HHLA1: variants seen among roughly 807,000 people sequenced by gnomAD.
The protein encoded by HHLA1 is HERV-H LTR-associating protein 1.
Under a neutral mutation model 69.9 loss-of-function variants are expected in HHLA1, and 72 were observed. The observed-to-expected ratio is 1.03, with a 90% confidence interval of 0.85 to 1.25. The LOEUF is 1.25. Ranked by LOEUF, HHLA1 falls within the 50% of genes most tolerant of loss-of-function variation. The pLI, the probability that HHLA1 is intolerant of heterozygous loss-of-function variation, is 0.00. For missense variants in HHLA1, 685 were observed against 642.2 expected (o/e 1.07, Z -0.72); for synonymous variants, 252 against 233.2 (o/e 1.08, Z -0.73).
chr8:132,089,414 G>A lies in HHLA1; in HGVS notation c.532+102C>T, dbSNP rs1823909491. The A allele has an allele frequency of 4.2e-6, 3 of 714,364 alleles. No individual in the cohort carries two copies. The South Asian group carries it at 4.7e-5, about 11-fold the overall frequency. 44.3% of individuals were successfully genotyped at this position (714,364 alleles called of 1,614,324 possible). ...TTACATGAACGTTTCTGGCAGCCTG[G>A]CCTATAGCAGGGGTTGGGGTGAGGA... On this transcript the variant is annotated intron_variant, in intron 8 of 16. Transcript: ENST00000414222.
intron 10 of HHLA1, among the ~76,000 whole-genome samples, chr8:132,086,362 G>T (rs1410214054): frequency 2.0e-5 from 3 of 152,300 alleles, no homozygotes; most frequent in South Asian, 2.1e-4. Flanking sequence ...TCTAATTGCA[G>T]GAGTGGCCTT....
chr8:132,076,495 GC>G lies in HHLA1; in HGVS notation c.1219del (p.Ala407ProfsTer60), dbSNP rs1436332876. The G allele has an allele frequency of 6.5e-7, 1 of 1,546,666 alleles. No individual in the cohort carries two copies. Among genetic ancestry groups the G allele is most frequent in the Non-Finnish European group, 8.7e-7 (1 of 1,144,926 alleles). ...CTCACCTGTTTGTGGATATCTGGGG[GC>G]TGTTGCCTTGGTTGGACTCGGAGTC... ...TQTPSPTKATAPRYPQTGDLS... is the reference protein window; with the variant it reads ...TQTPSPTKATXPRYPQTGDLS... On this transcript the variant is annotated frameshift_variant, in exon 13 of 17. Coordinates refer to ENST00000414222, the MANE Select transcript of HHLA1 (RefSeq NM_001145095.3). LOFTEE classifies it high-confidence loss of function.
intron 8 of HHLA1, 120 bp downstream of exon 8, chr8:132,089,396 A>G: frequency 1.4e-6 from 1 of 690,780 alleles, no homozygotes; most frequent in South Asian, 1.6e-5. Context: ...AGATTACATG[A>G]ACGTTTCTGG....
At chr8:132,084,213 G>T (rs978132796) in intron 10 of HHLA1, among the ~76,000 whole-genome samples, 1 of 152,092 alleles carries the variant, frequency 6.6e-6, no homozygotes, top group African/African-American at 2.4e-5. Context: ...GGTGTGAGGA[G>T]GGGAGGTGAT....
At chr8:132,070,735 A>G (rs557464889) in intron 15 of HHLA1, among the ~76,000 whole-genome samples, 2 of 151,668 alleles carry the variant, frequency 1.3e-5, no homozygotes, top group Non-Finnish European at 2.9e-5. Flanking sequence ...TCTCAACTCA[A>G]CACATCTCAA....
chr8:132,084,255 G>A (rs1170716883), intron 10 of HHLA1, among the ~76,000 whole-genome samples: 2 of 152,070 alleles, frequency 1.3e-5, no homozygotes, highest in African/African-American at 4.8e-5. Flanking sequence ...AGCGGAGGCT[G>A]AGGGAGAATT....
At chr8:132,106,918 C>T (rs1824210966) in intron 1 of HHLA1, among the ~76,000 whole-genome samples, 1 of 152,194 alleles carries the variant, frequency 6.6e-6, no homozygotes, top group Non-Finnish European at 1.5e-5. Flanking sequence ...ACTGCGCAAA[C>T]ATTATCTCCC....
intron 10 of HHLA1, 50 bp downstream of exon 10, chr8:132,087,603 G>C: frequency 8.2e-7 from 1 of 1,220,370 alleles, no homozygotes; most frequent in Non-Finnish European, 1.2e-6. Flanking sequence ...TGCCAGGTGG[G>C]ACCCTGGTCT....
At chr8:132,070,325 T>C (rs1823511592) in intron 15 of HHLA1, 1 of 702,094 alleles carries the variant, frequency 1.4e-6, no homozygotes, top group Non-Finnish European at 2.6e-6. Flanking sequence ...TGCTTTTTAA[T>C]TTAAGTTTTC....
chr8:132,076,560 G>C lies in HHLA1; in HGVS notation c.1172-17C>G. 1.3e-6 allele frequency: 2 copies of C among 1,500,374 alleles called. No individual in the cohort carries two copies. The highest frequency in any genetic ancestry group is 1.8e-6 in the Non-Finnish European group (2 of 1,122,362). The allele number at this position is 1,500,374 out of a possible 1,614,324, so 92.9% of individuals were successfully genotyped here. A position where few individuals can be genotyped will look rare whatever the true frequency, so the allele number is the denominator to read the frequency against. On this transcript the variant is annotated splice_polypyrimidine_tract_variant and intron_variant, in intron 12 of 16. Transcript: ENST00000414222. ...TGAATGCTCCTGGGAGGAGATGAGA[G>C]AGAGGTGAGCCTGCATCTCTTCTAG...
At position 132,093,543 on chromosome 8, in the gene HHLA1, G is replaced by T. The variant is rs74525941; in HGVS notation, c.448+1976C>A. On this transcript the variant is annotated intron_variant, in intron 7 of 16. Transcript: ENST00000414222. Reference sequence around the variant, plus strand: ...TTGGCCTACGTGTACAGCCTCTCATGGTAGCGCTGTGACTTCTTGTCAAAC... The same window carrying T: ...TTGGCCTACGTGTACAGCCTCTCATTGTAGCGCTGTGACTTCTTGTCAAAC... 8.3e-3 allele frequency among the ~76,000 whole-genome samples: 1,261 copies of T among 152,280 alleles called. 18 individuals are homozygous for T. Among genetic ancestry groups the T allele is most frequent in the African/African-American group, 0.028 (1,180 of 41,554 alleles).
intron 3 of HHLA1, among the ~76,000 whole-genome samples, chr8:132,100,915 C>T (rs1242804231): frequency 3.3e-5 from 5 of 152,160 alleles, no homozygotes; most frequent in Admixed American, 6.5e-5. Context: ...CTTGTAACTA[C>T]GACTGTTGGA....
At chr8:132,104,226 T>C (rs2130901103) in intron 2 of HHLA1, 59 bp from the exon 3 acceptor site, 1 of 1,276,748 alleles carries the variant, frequency 7.8e-7, no homozygotes, top group Non-Finnish European at 1.1e-6. Context: ...CCGGAGATAA[T>C]TTGATTCAAC....
At chr8:132,084,874 T>TG (rs1179696332) in intron 10 of HHLA1, among the ~76,000 whole-genome samples, 1 of 151,062 alleles carries the variant, frequency 6.6e-6, no homozygotes, top group Non-Finnish European at 1.5e-5. Flanking sequence ...AATAAGCGAT[T>TG]GGGGGGTTCT....
chr8:132,081,835 A>T (rs1336069236), intron 10 of HHLA1, among the ~76,000 whole-genome samples: 1 of 152,204 alleles, frequency 6.6e-6, no homozygotes, highest in African/African-American at 2.4e-5. Context: ...AGAATAGCAG[A>T]TGGGACACTG....
At chr8:132,092,385 G>A (rs185273260) in intron 7 of HHLA1, among the ~76,000 whole-genome samples, 36 of 152,262 alleles carry the variant, frequency 2.4e-4, no homozygotes, top group Non-Finnish European at 4.3e-4. Flanking sequence ...TGCCTTCTGG[G>A]ATGGTTTGGA....
chr8:132,078,171 AACACAC>A (rs34612835), intron 11 of HHLA1, among the ~76,000 whole-genome samples, 200 bp from the exon 12 acceptor site: 21,025 of 144,366 alleles, frequency 0.15, 1,806 homozygotes, highest in East Asian at 0.24. Context: ...AGCACCAATA[AACACAC>A]ACACACACAC....
chr8:132,095,404 G>A lies in HHLA1; in HGVS notation c.448+115C>T, dbSNP rs1586733252. On this transcript the variant is annotated intron_variant, in intron 7 of 16. Transcript: ENST00000414222. ...GGATAATGAATGAGCACATGGTTAA[G>A]GGTAGTGGATAGGACCATATTTTCC... 1.6e-5 allele frequency: 10 copies of A among 636,590 alleles called. No homozygotes were observed. The East Asian group carries it at 2.7e-4, about 17-fold the overall frequency. The allele number at this position is 636,590 out of a possible 1,614,324, so 39.4% of individuals were successfully genotyped here.
chr8:132,082,952 T>C (rs1262791227), intron 10 of HHLA1, among the ~76,000 whole-genome samples: 1 of 151,584 alleles, frequency 6.6e-6, no homozygotes, highest in East Asian at 1.9e-4. Flanking sequence ...GGCTTTAATC[T>C]TTTTAAAGCG....
Sources: gnomAD v4.1 joint callset for allele counts (sites outside exome capture counted in the v4.1 genomes callset) on GRCh38, gnomAD v4.1.1 for gene constraint, MANE v1.5 for transcripts, NCBI Gene and HGNC (gene_info 2026-07-23, HGNC 2026-07-21) for gene names.